SIGLEC10: variants seen among roughly 807,000 people sequenced by gnomAD.
The protein encoded by SIGLEC10 is sialic acid binding Ig like lectin 10, also known as sialic acid-binding Ig-like lectin 10.
Under a neutral mutation model 68.3 loss-of-function variants are expected in SIGLEC10, and 45 were observed. The observed-to-expected ratio is 0.66, with a 90% CI of 0.52 to 0.84. The LOEUF is 0.84. Among genes scored for constraint, SIGLEC10 ranks in the 40% least tolerant of loss-of-function variants. SIGLEC10 has a pLI of 0.00. For synonymous variants in SIGLEC10, 379 were observed against 370.8 expected, an observed-to-expected ratio of 1.02 and a Z score of -0.26; for missense variants, 789 against 883.1, an observed-to-expected ratio of 0.89 and a Z score of 1.35.
Position 51,415,073 on chromosome 19 carries a change from C to G in SIGLEC10, c.1366G>C (p.Glu456Gln). ...CAGCTGCAGTGCAGACCCTCAGCCT[C>G]CCAGGAGCAGGAGGGGCCCAGCAGC... ...PKLLGPSCSW[E>Q]AEGLHCSCSS... The change falls in exon 8 of 11, where the codon GAG becomes CAG. Residue 456 changes from glutamate to glutamine, a missense_variant. Physicochemically the swap from Glu to Gln is conservative, Grantham distance 29 (BLOSUM62 2). Coordinates refer to ENST00000339313, the MANE Select transcript of SIGLEC10 (RefSeq NM_033130.5). The G allele has an allele frequency of 6.3e-7, 1 of 1,584,402 alleles. No individual in the cohort carries two copies. Among genetic ancestry groups the G allele is most frequent in the Non-Finnish European group, 8.6e-7 (1 of 1,166,372 alleles).
intron 10 of SIGLEC10, 62 bp downstream of exon 10, chr19:51,413,650 T>A: frequency 4.8e-6 from 7 of 1,465,204 alleles, no homozygotes; most frequent in Non-Finnish European, 5.7e-6. Flanking sequence ...GGTGCAAAAG[T>A]CAGAAAGTGG....
At chr19:51,415,637 G>T (rs746192244) in intron 5 of SIGLEC10, 22 bp from the exon 6 acceptor site, 1 of 1,613,788 alleles carries the variant, frequency 6.2e-7, no homozygotes, top group Non-Finnish European at 8.5e-7. Flanking sequence ...ACAGGGGACC[G>T]GCTCTAGACG....
chr19:51,410,992 AAG>A lies in SIGLEC10; in HGVS notation c.*105_*106del, dbSNP rs200056653. Reference sequence around the variant, plus strand: ...AGAGAGAAAGAGAGAGAGAGAGAGAAAGAGAGAGAGAGAGGGAGAGAAGGAAA... The same window carrying A: ...AGAGAGAAAGAGAGAGAGAGAGAGAAAGAGAGAGAGAGGGAGAGAAGGAAA... On this transcript the variant is annotated 3_prime_UTR_variant, in exon 11 of 11. Coordinates refer to ENST00000339313, the MANE Select transcript of SIGLEC10 (RefSeq NM_033130.5). 8.1e-3 allele frequency: 7,821 copies of A among 963,972 alleles called. No homozygotes were observed. Among genetic ancestry groups the A allele is most frequent in the Non-Finnish European group, 9.4e-3 (6,452 of 685,350 alleles). The allele number at this position is 963,972 out of a possible 1,614,324, so 59.7% of individuals were successfully genotyped here.
Position 51,415,971 on chromosome 19 carries a change from A to G in SIGLEC10, c.951T>C (p.Asp317=), listed in dbSNP as rs1988582304. 1 of 1,613,538 alleles carries G rather than the reference A, an allele frequency of 6.2e-7. No homozygotes were observed. The highest frequency in any genetic ancestry group is 8.5e-7 in the Non-Finnish European group (1 of 1,179,970). Residue 317 remains aspartate (D), a synonymous_variant, in exon 5 of 11, where the codon GAT becomes GAC. Transcript: ENST00000339313. ...GLELPGVKAG[D]SGRYTCRAEN... The stretch of plus-strand genomic sequence containing the variant: ...CCGCTCGGCAGGTGTAGCGCCCTGA[A>G]TCCCCAGCCTTCACCCCGGGCAGCT...
At chr19:51,415,637 G>A (rs746192244) in intron 5 of SIGLEC10, 22 bp from the exon 6 acceptor site, 27 of 1,613,906 alleles carry the variant, frequency 1.7e-5, no homozygotes, top group Non-Finnish European at 1.9e-5. Context: ...ACAGGGGACC[G>A]GCTCTAGACG....
chr19:51,410,112 C>T lies in SIGLEC10; in HGVS notation c.*987G>A, dbSNP rs1052185859. Reference sequence around the variant, plus strand: ...AGCGCCTAGAGCTGCTGGTTGCCCACTTTTATGGTTATTTCTTGCTTATTT... The same window carrying T: ...AGCGCCTAGAGCTGCTGGTTGCCCATTTTTATGGTTATTTCTTGCTTATTT... On this transcript the variant is annotated 3_prime_UTR_variant, in exon 11 of 11. Transcript: ENST00000339313. 4 of 152,230 alleles carry T rather than the reference C, an allele frequency of 2.6e-5. No homozygotes were observed. Among genetic ancestry groups the T allele is most frequent in the African/African-American group, 9.7e-5 (4 of 41,448 alleles). 9.4% of individuals were successfully genotyped at this position (152,230 alleles called of 1,614,324 possible).
In SIGLEC10 at chr19:51,417,234, A is replaced by T; in HGVS notation, c.269T>A (p.Phe90Tyr). The change falls in exon 2 of 11, where the codon TTC (phenylalanine) becomes TAC (tyrosine). Residue 90 changes from phenylalanine to tyrosine, a missense_variant. Coordinates refer to ENST00000339313, the MANE Select transcript of SIGLEC10 (RefSeq NM_033130.5). ...REVEMSTRGR[F>Y]QLTGDPAKGN... ...CTTGGCGGGATCCCCAGTGAGCTGG[A>T]ATCGGCCCCGGGTGCTCATTTCCAC... The T allele has an allele frequency of 6.2e-7, 1 of 1,614,262 alleles. No homozygotes were observed. The highest frequency in any genetic ancestry group is 2.2e-5 in the East Asian group (1 of 44,892).
chr19:51,417,426 T>A lies in SIGLEC10; in HGVS notation c.77A>T (p.Gln26Leu). The A allele has an allele frequency of 6.2e-7, 1 of 1,614,002 alleles. No individual in the cohort carries two copies. The highest frequency in any genetic ancestry group is 8.5e-7 in the Non-Finnish European group (1 of 1,179,866). The stretch of plus-strand genomic sequence containing the variant: ...GCCCTCCGGCACCATCACTGACTCC[T>A]GCACTCGTATCCAGAATCTCCCATC... Reference protein sequence around the residue: ...AMDGRFWIRVQESVMVPEGLC... With the variant: ...AMDGRFWIRVLESVMVPEGLC... Residue 26 changes from glutamine to leucine, a missense_variant, in exon 2 of 11, where the codon CAG becomes CTG. By Grantham distance (113) the Gln-to-Leu change is moderately radical (BLOSUM62 -2). Transcript: ENST00000339313.
rs2123746369 is a variant in SIGLEC10 at position 51,414,757 on chromosome 19, A to G, written c.1615+67T>C. 6.3e-7 allele frequency: 1 copy of G among 1,599,928 alleles called. No homozygotes were observed. Among genetic ancestry groups the G allele is most frequent in the Non-Finnish European group, 8.5e-7 (1 of 1,175,082 alleles). ...CCCTCCAAGCTCCTGCTCCAACCAC[A>G]GGACCCTACTCTTTGCCCCAGTCAG... On this transcript the variant is annotated intron_variant, in intron 8 of 10. Coordinates refer to ENST00000339313, the MANE Select transcript of SIGLEC10 (RefSeq NM_033130.5). The surrounding 1 kb of genome is among the most constrained non-coding windows in gnomAD (Gnocchi z 4.1).
chr19:51,412,998 G>A (rs1052699359), intron 10 of SIGLEC10, among the ~76,000 whole-genome samples: 8 of 152,110 alleles, frequency 5.3e-5, no homozygotes, highest in South Asian at 2.1e-4. Context: ...ATTATCTTAA[G>A]TTGGTTTTGG....
At chr19:51,411,436 C>G in intron 10 of SIGLEC10, 65 bp from the exon 11 acceptor site, 1 of 1,583,238 alleles carries the variant, frequency 6.3e-7, no homozygotes, top group Non-Finnish European at 8.6e-7. Flanking sequence ...TACCACGCGT[C>G]GGGCACTGAT....
chr19:51,415,708 G>C, intron 5 of SIGLEC10, 93 bp from the exon 6 acceptor site: 20 of 1,604,790 alleles, frequency 1.2e-5, no homozygotes, highest in Non-Finnish European at 1.7e-5. Context: ...GGGGAAGTGG[G>C]TGGGATAGAA....
chr19:51,416,230 G>A (rs772861234), intron 4 of SIGLEC10, 63 bp from the exon 5 acceptor site: 4 of 1,612,290 alleles, frequency 2.5e-6, no homozygotes, highest in Non-Finnish European at 2.5e-6. Flanking sequence ...GGGGTACAGG[G>A]AGGAGCACAT....
chr19:51,412,107 A>G (rs1988068799), intron 10 of SIGLEC10, among the ~76,000 whole-genome samples: 1 of 152,180 alleles, frequency 6.6e-6, no homozygotes, highest in Admixed American at 6.6e-5. Context: ...TTGCCACTGC[A>G]CTCCAGCCTA....
chr19:51,417,284 C>T lies in SIGLEC10; in HGVS notation c.219G>A (p.Val73=). ...CCTCTCGACTCTGGTGGTTTGTGGC[C>T]ACAGGAGCACCCTTGGTTGTCTCAG... ...AVTETTKGAP[V]ATNHQSREVE... is the part of the protein sequence containing the mutation. The change falls in exon 2 of 11, where the codon GTG becomes GTA. Residue 73 remains valine (V), a synonymous_variant. Coordinates refer to ENST00000339313, the MANE Select transcript of SIGLEC10 (RefSeq NM_033130.5). 2.5e-6 allele frequency: 4 copies of T among 1,614,214 alleles called. No individual in the cohort carries two copies. In the South Asian group the frequency reaches 4.4e-5, roughly 18 times the overall value.
In SIGLEC10 at chr19:51,415,199, G is replaced by C. The variant is rs772550171; in HGVS notation, c.1312C>G (p.Leu438Val). 3 of 1,609,712 alleles carry C rather than the reference G, an allele frequency of 1.9e-6. No individual in the cohort carries two copies. Among genetic ancestry groups the C allele is most frequent in the Non-Finnish European group, 2.5e-6 (3 of 1,177,582 alleles). ...RHPLGSQHVS[L>V]SLSVHYSPKL... ...CACTCACAGTGCACGGAGAGGCTGA[G>C]AGAGACGTGCTGGGAGCCCAGTGGG... The change falls in exon 7 of 11, where the codon CTC becomes GTC. Residue 438 changes from leucine (L) to valine (V), a missense_variant. Coordinates refer to ENST00000339313, the MANE Select transcript of SIGLEC10 (RefSeq NM_033130.5).
In SIGLEC10 at chr19:51,410,991, A is replaced by AG. The variant is rs1555766237; in HGVS notation, c.*107_*108insC. 1.6e-5 allele frequency: 20 copies of AG among 1,270,262 alleles called. No homozygotes were observed. The highest frequency in any genetic ancestry group is 1.1e-4 in the African/African-American group (7 of 66,418). 78.7% of individuals were successfully genotyped at this position (1,270,262 alleles called of 1,614,324 possible). ...GAGAGAGAAAGAGAGAGAGAGAGAG[A>AG]AAGAGAGAGAGAGAGGGAGAGAAGG... On this transcript the variant is annotated 3_prime_UTR_variant, in exon 11 of 11. Coordinates refer to ENST00000339313, the MANE Select transcript of SIGLEC10 (RefSeq NM_033130.5).
rs528432793 is a variant in SIGLEC10, at chr19:51,413,084, G to A, written c.1821+628C>T. Among the ~76,000 whole-genome samples, 232 of 152,230 alleles carry A rather than the reference G, an allele frequency of 1.5e-3. 2 individuals are homozygous for A. Among genetic ancestry groups the A allele is most frequent in the South Asian group, 0.011 (51 of 4,824 alleles). ...AGACAGTCTTCAGGGAAGGAGCCAC[G>A]AGATACAATTTTGCAGTCATCAGCA... On this transcript the variant is annotated intron_variant, in intron 10 of 10. Coordinates refer to ENST00000339313, the MANE Select transcript of SIGLEC10 (RefSeq NM_033130.5).
At position 51,414,454 on chromosome 19, in the gene SIGLEC10, C is replaced by T. The variant is rs766717712; in HGVS notation, c.1677G>A (p.Thr559=). Residue 559 remains threonine, a synonymous_variant, in exon 9 of 11, where the codon ACG becomes ACA. Coordinates refer to ENST00000339313, the MANE Select transcript of SIGLEC10 (RefSeq NM_033130.5). The surrounding 1 kb of genome is among the most constrained non-coding windows in gnomAD (Gnocchi z 4.1). ...SNGAFLGIGI[T]ALLFLCLALI... Reference sequence around the variant, plus strand: ...GGGCCAGGCAGAGGAAAAGAAGAGCCGTGATGCCGATTCCCAGAAACGCTC... The same window carrying T: ...GGGCCAGGCAGAGGAAAAGAAGAGCTGTGATGCCGATTCCCAGAAACGCTC... 12 of 1,613,876 alleles carry T rather than the reference C, an allele frequency of 7.4e-6. No individual in the cohort carries two copies. Among genetic ancestry groups the T allele is most frequent in the East Asian group, 4.5e-5 (2 of 44,890 alleles).
Sources: allele counts gnomAD v4.1 joint callset (sites outside exome capture counted in the v4.1 genomes callset), GRCh38; gene constraint gnomAD v4.1.1; non-coding constraint Gnocchi (gnomAD v3.1); transcripts MANE v1.5; gene names NCBI Gene and HGNC (gene_info 2026-07-23, HGNC 2026-07-21).